SLX4IP: variants seen among roughly 807,000 people sequenced by gnomAD.
The protein encoded by SLX4IP is protein SLX4IP.
In SLX4IP, 34 loss-of-function variants were observed where a neutral mutation model predicts 32.9. The ratio of observed to expected loss-of-function variants is 1.03; its 90% CI spans 0.79 to 1.38. The LOEUF is 1.38. Among genes scored for constraint, SLX4IP ranks in the 40% most tolerant of loss-of-function variants. The pLI, the probability that SLX4IP is intolerant of heterozygous loss-of-function variation, is 0.00. For synonymous variants in SLX4IP, 172 were observed against 171.7 expected, an observed-to-expected ratio of 1.00 and a Z score of -0.01; for missense variants, 444 against 479.0, an observed-to-expected ratio of 0.93 and a Z score of 0.68.
At chr20:10,464,968 T>G (rs2065368192) in intron 2 of SLX4IP, among the ~76,000 whole-genome samples, 1 of 152,300 alleles carries the variant, frequency 6.6e-6, no homozygotes, top group Admixed American at 6.5e-5. Context: ...TCTTGAACTC[T>G]TTCAAGAGTT....
chr20:10,479,219 G>A (rs189019897), intron 2 of SLX4IP, among the ~76,000 whole-genome samples: 15 of 152,202 alleles, frequency 9.9e-5, no homozygotes, highest in South Asian at 2.1e-4. Context: ...AGTCATCTGC[G>A]GATGCAAAAT....
rs1325463957 is a variant in SLX4IP at position 10,627,068 on chromosome 20, C to T, written c.*3689C>T. 1.3e-5 allele frequency: 2 copies of T among 152,192 alleles called. No individual in the cohort carries two copies. The highest frequency in any genetic ancestry group is 1.3e-4 in the Admixed American group (2 of 15,282). The allele number at this position is 152,192 out of a possible 1,614,324, so 9.4% of individuals were successfully genotyped here. ...AGAGAGTGGCCTGGGATCACAGTGT[C>T]GTCATTCCCAATTTCCTTGAATTCC... On this transcript the variant is annotated 3_prime_UTR_variant, in exon 8 of 8. Coordinates refer to ENST00000334534, the MANE Select transcript of SLX4IP (RefSeq NM_001009608.3).
intron 2 of SLX4IP, among the ~76,000 whole-genome samples, chr20:10,509,387 G>A (rs1478703302): frequency 2.0e-5 from 3 of 152,166 alleles, no homozygotes; most frequent in Non-Finnish European, 2.9e-5. Flanking sequence ...GCAGAGCACC[G>A]TCCCCACTGT....
intron 2 of SLX4IP, among the ~76,000 whole-genome samples, chr20:10,514,288 T>C (rs891365357): frequency 6.6e-6 from 1 of 152,198 alleles, no homozygotes; most frequent in African/African-American, 2.4e-5. Context: ...ATTTTGAATG[T>C]TGCCCCAGGA....
intron 2 of SLX4IP, among the ~76,000 whole-genome samples, chr20:10,480,171 A>C (rs1452206689): frequency 6.6e-6 from 1 of 152,208 alleles, no homozygotes; most frequent in Non-Finnish European, 1.5e-5. Context: ...GGTGGGCAGA[A>C]CGCTTGAACC....
At chr20:10,579,502 G>A (rs1364400403) in intron 4 of SLX4IP, among the ~76,000 whole-genome samples, 2 of 150,750 alleles carry the variant, frequency 1.3e-5, no homozygotes, top group Non-Finnish European at 1.5e-5. Flanking sequence ...ATCTCGGCTC[G>A]CTGCAACCTC....
At chr20:10,506,360 C>A (rs895464544) in intron 2 of SLX4IP, among the ~76,000 whole-genome samples, 1 of 152,202 alleles carries the variant, frequency 6.6e-6, no homozygotes, top group African/African-American at 2.4e-5. Context: ...GATTACAATG[C>A]AGTTTCTTTA....
intron 2 of SLX4IP, among the ~76,000 whole-genome samples, chr20:10,481,361 C>T (rs1177891753): frequency 1.3e-5 from 2 of 152,174 alleles, no homozygotes; most frequent in Non-Finnish European, 2.9e-5. Flanking sequence ...TACATTGTCT[C>T]ATATCTTGGA....
At chr20:10,565,658 A>G (rs921558809) in intron 4 of SLX4IP, among the ~76,000 whole-genome samples, 2 of 152,266 alleles carry the variant, frequency 1.3e-5, no homozygotes, top group Non-Finnish European at 2.9e-5. Flanking sequence ...ATCAAAACAT[A>G]GGATGATGGT....
chr20:10,454,988 A>G (rs13043105), intron 1 of SLX4IP, among the ~76,000 whole-genome samples: 15 of 152,148 alleles, frequency 9.9e-5, no homozygotes, highest in African/African-American at 3.1e-4. Context: ...TTTGCATTTG[A>G]TGGCTAATGA....
rs762169764 is a variant in SLX4IP, at chr20:10,560,713, T to A, written c.131T>A (p.Leu44Gln). 7 of 1,587,786 alleles carry A rather than the reference T, an allele frequency of 4.4e-6. No homozygotes were observed. Among genetic ancestry groups the A allele is most frequent in the Non-Finnish European group, 6.0e-6 (7 of 1,167,988 alleles). Reference protein sequence around the residue: ...SEQKKEEVCLLLKETIDSRVQ... With the variant: ...SEQKKEEVCLQLKETIDSRVQ... ...TATTTGCTTTAGGAAGTCTGTTTAC[T>A]GTTAAAAGAAACCATTGATTCAAGA... Residue 44 changes from leucine (L) to glutamine (Q), a missense_variant, in exon 4 of 8, where the codon CTG (leucine) becomes CAG (glutamine). By Grantham distance (113) the Leu-to-Gln change is moderately radical. Transcript: ENST00000334534.
chr20:10,571,841 T>C (rs990832102), intron 4 of SLX4IP, among the ~76,000 whole-genome samples: 7 of 152,224 alleles, frequency 4.6e-5, no homozygotes, highest in Admixed American at 2.6e-4. Flanking sequence ...AACACAGAGA[T>C]GAAAGTGGCC....
intron 2 of SLX4IP, among the ~76,000 whole-genome samples, chr20:10,539,086 A>T (rs935852811): frequency 6.6e-6 from 1 of 152,232 alleles, no homozygotes; most frequent in African/African-American, 2.4e-5. Flanking sequence ...CAGGCACCAT[A>T]AAACTTTATT....
intron 2 of SLX4IP, among the ~76,000 whole-genome samples, chr20:10,518,514 C>CTT (rs1555811122): frequency 7.8e-6 from 1 of 127,792 alleles, no homozygotes; most frequent in Non-Finnish European, 1.6e-5. Flanking sequence ...TCCTTCCTTC[C>CTT]TTCCTTCCTT....
At chr20:10,585,613 C>T (rs2066637311) in intron 4 of SLX4IP, among the ~76,000 whole-genome samples, 1 of 151,114 alleles carries the variant, frequency 6.6e-6, no homozygotes, top group Non-Finnish European at 1.5e-5. Flanking sequence ...GACGGAGTCT[C>T]ACTCTGTCAC....
At chr20:10,471,226 G>A (rs225142) in intron 2 of SLX4IP, among the ~76,000 whole-genome samples, 76,258 of 152,002 alleles carry the variant, frequency 0.5, 20,443 homozygotes, top group East Asian at 0.82. Flanking sequence ...GGAGTGAGGA[G>A]TAGTCTAATT....
chr20:10,474,267 C>T (rs1600907116), intron 2 of SLX4IP, among the ~76,000 whole-genome samples: 2 of 152,180 alleles, frequency 1.3e-5, no homozygotes, highest in South Asian at 4.1e-4. Context: ...GAATGGTGTG[C>T]TGGTCTAACA....
intron 4 of SLX4IP, among the ~76,000 whole-genome samples, chr20:10,593,773 C>T (rs1320508677): frequency 6.6e-6 from 1 of 152,094 alleles, no homozygotes; most frequent in Non-Finnish European, 1.5e-5. Flanking sequence ...TGTTCTATAA[C>T]ACAACTAGCC....
chr20:10,493,859 CTTTTTTTTT>C (rs58299545), intron 2 of SLX4IP, among the ~76,000 whole-genome samples: 1 of 70,544 alleles, frequency 1.4e-5, no homozygotes, highest in Non-Finnish European at 2.6e-5. Context: ...TTATAGTTGC[CTTTTTTTTT>C]TTTTTTTTTT....
Sources: gnomAD v4.1 joint callset for allele counts (sites outside exome capture counted in the v4.1 genomes callset) on GRCh38, gnomAD v4.1.1 for gene constraint, MANE v1.5 for transcripts, NCBI Gene and HGNC (gene_info 2026-07-23, HGNC 2026-07-21) for gene names.